The following SKAP1 variants were observed in gnomAD, a reference collection of about 807,000 sequenced individuals.
SKAP1 encodes src kinase associated phosphoprotein 1, also known as src kinase-associated phosphoprotein 1.
Under a neutral mutation model 58.5 loss-of-function variants are expected in SKAP1, and 44 were observed. That is an observed-to-expected ratio of 0.75 (90% CI 0.59 to 0.97). The LOEUF (loss-of-function observed/expected upper bound fraction) is 0.97, where lower values mean the gene tolerates loss of function less well. Among genes scored for constraint, SKAP1 ranks in the 50% least tolerant of loss-of-function variants. The pLI, the probability that SKAP1 is intolerant of heterozygous loss-of-function variation, is 0.00. For missense variants in SKAP1, 390 were observed against 435.2 expected (o/e 0.90, Z 0.92); for synonymous variants, 127 against 149.7 (o/e 0.85, Z 1.11).
At chr17:48,432,222 A>C (rs572352296), upstream of SKAP1, among the ~76,000 whole-genome samples, 2 of 152,284 alleles carry the variant, frequency 1.3e-5, no homozygotes, top group East Asian at 1.9e-4. Context: ...CGAGGTCAGG[A>C]GTTTGAGGTC....
At chr17:48,155,799 G>A (rs2063968797) in intron 11 of SKAP1, among the ~76,000 whole-genome samples, 2 of 152,224 alleles carry the variant, frequency 1.3e-5, no homozygotes, top group Admixed American at 1.3e-4. Context: ...AGAGGTTGCA[G>A]TGAGCCGAGA....
intron 4 of SKAP1, among the ~76,000 whole-genome samples, chr17:48,310,714 A>G (rs1373719821): frequency 6.6e-6 from 1 of 152,202 alleles, no homozygotes; most frequent in Non-Finnish European, 1.5e-5. Flanking sequence ...AATGTAAGAA[A>G]TAAAAAGGCA....
chr17:48,389,336 G>A (rs1461581355), intron 2 of SKAP1, among the ~76,000 whole-genome samples: 1 of 152,066 alleles, frequency 6.6e-6, no homozygotes, highest in Non-Finnish European at 1.5e-5. Context: ...GATGGGCCCT[G>A]GAAGGGACAC....
intron 4 of SKAP1, among the ~76,000 whole-genome samples, chr17:48,232,918 A>G (rs914120308): frequency 6.6e-6 from 1 of 152,210 alleles, no homozygotes; most frequent in Non-Finnish European, 1.5e-5. Context: ...CAACAGTTCT[A>G]TTATTTCCAA....
intron 4 of SKAP1, among the ~76,000 whole-genome samples, chr17:48,219,885 A>G (rs2064981755): frequency 6.6e-6 from 1 of 152,234 alleles, no homozygotes; most frequent in Non-Finnish European, 1.5e-5. Context: ...TTTGTTCCTC[A>G]CAGAGGAGAT....
intron 4 of SKAP1, among the ~76,000 whole-genome samples, chr17:48,331,542 A>G (rs1255929090): frequency 6.6e-6 from 1 of 151,946 alleles, no homozygotes; most frequent in African/African-American, 2.4e-5. Flanking sequence ...TCTACTAAAA[A>G]TACAAAATTA....
intron 1 of SKAP1, among the ~76,000 whole-genome samples, chr17:48,400,050 G>T (rs2067476570): frequency 6.6e-6 from 1 of 151,272 alleles, no homozygotes; most frequent in African/African-American, 2.4e-5. Context: ...CAGCAACTTT[G>T]CAGGATATAA....
rs566608609 is a variant in SKAP1, at chr17:48,430,081, G to A, written c.40C>T (p.Leu14=). The A allele has an allele frequency of 3.9e-6, 5 of 1,266,698 alleles. No individual in the cohort carries two copies. The African/African-American group carries it at 6.1e-5, about 15-fold the overall frequency. 78.5% of individuals were successfully genotyped at this position (1,266,698 alleles called of 1,614,324 possible). Residue 14 remains leucine (L), a synonymous_variant, in exon 1 of 13, where the codon CTG becomes TTG. Coordinates refer to ENST00000336915, the MANE Select transcript of SKAP1 (RefSeq NM_003726.4). ...AALPEEIRWL[L]EDAEEFLAEG... Reference sequence around the variant, plus strand: ...GCCTGCGCCAGGGCGTTACCTTCCAGGAGCCAACGGATCTCCTCAGGGAGG... The same window carrying A: ...GCCTGCGCCAGGGCGTTACCTTCCAAGAGCCAACGGATCTCCTCAGGGAGG...
At chr17:48,147,750 G>A (rs1014093724) in intron 11 of SKAP1, among the ~76,000 whole-genome samples, 4 of 152,152 alleles carry the variant, frequency 2.6e-5, no homozygotes, top group African/African-American at 9.7e-5. Flanking sequence ...TCTGTTTTAA[G>A]TTCTTGGCAA....
chr17:48,394,382 C>T (rs2067389567), intron 2 of SKAP1, among the ~76,000 whole-genome samples: 4 of 151,716 alleles, frequency 2.6e-5, no homozygotes, highest in Admixed American at 2.6e-4. Flanking sequence ...CACTTGGTCG[C>T]CCAGGCTGAA....
chr17:48,345,156 C>T (rs2066706319), intron 4 of SKAP1, among the ~76,000 whole-genome samples: 1 of 152,220 alleles, frequency 6.6e-6, no homozygotes, highest in Non-Finnish European at 1.5e-5. Flanking sequence ...CACAGCGGAT[C>T]CCCACACTTG....
At chr17:48,411,300 T>C (rs563385080) in intron 1 of SKAP1, among the ~76,000 whole-genome samples, 231 of 151,858 alleles carry the variant, frequency 1.5e-3, no homozygotes, top group African/African-American at 5.5e-3. Context: ...CTCGAGAGGC[T>C]GAGGCAGGAG....
intron 4 of SKAP1, among the ~76,000 whole-genome samples, chr17:48,245,872 G>A (rs2065290680): frequency 6.6e-6 from 1 of 152,158 alleles, no homozygotes; most frequent in South Asian, 2.1e-4. Context: ...CTACTCAAGA[G>A]GCTGAGGCAG....
chr17:48,291,958 T>C (rs1403758181), intron 4 of SKAP1, among the ~76,000 whole-genome samples: 1 of 152,074 alleles, frequency 6.6e-6, no homozygotes, highest in African/African-American at 2.4e-5. Context: ...CAGAAAGCTG[T>C]TGTTAGCTTT....
At chr17:48,391,904 A>G (rs550368899) in intron 2 of SKAP1, among the ~76,000 whole-genome samples, 10 of 152,118 alleles carry the variant, frequency 6.6e-5, no homozygotes, top group African/African-American at 1.9e-4. Flanking sequence ...AAATGTATTA[A>G]TAGCACATTA....
At chr17:48,411,031 T>C (rs2067657262) in intron 1 of SKAP1, among the ~76,000 whole-genome samples, 1 of 147,914 alleles carries the variant, frequency 6.8e-6, no homozygotes. Flanking sequence ...CAAAATAAAG[T>C]AATATTGGAT....
intron 4 of SKAP1, among the ~76,000 whole-genome samples, chr17:48,287,058 T>C (rs1448394298): frequency 1.3e-5 from 2 of 151,764 alleles, no homozygotes; most frequent in African/African-American, 2.4e-5. Flanking sequence ...ATCGTGTCAC[T>C]GCACTCCAGC....
At chr17:48,342,347 C>T (rs995158863) in intron 4 of SKAP1, among the ~76,000 whole-genome samples, 10 of 152,130 alleles carry the variant, frequency 6.6e-5, no homozygotes, top group Admixed American at 3.3e-4. Flanking sequence ...GCAACAGGCT[C>T]TCATTTTTAT....
At chr17:48,358,029 A>G (rs1238721663) in intron 3 of SKAP1, among the ~76,000 whole-genome samples, 2 of 152,198 alleles carry the variant, frequency 1.3e-5, no homozygotes, top group Non-Finnish European at 2.9e-5. Context: ...ATGCTGGAAT[A>G]TTTCTTTTTT....
Sources: gnomAD v4.1 joint callset for allele counts (sites outside exome capture counted in the v4.1 genomes callset) on GRCh38, gnomAD v4.1.1 for gene constraint, MANE v1.5 for transcripts, NCBI Gene and HGNC (gene_info 2026-07-23, HGNC 2026-07-21) for gene names.